Variants in PDILT observed in about 807,000 individuals in gnomAD.
The protein encoded by PDILT is protein disulfide-isomerase-like protein of the testis.
PDILT carries 43 observed loss-of-function variants against 53.7 expected under a neutral mutation model. The ratio of observed to expected loss-of-function variants is 0.80; its 90% CI spans 0.63 to 1.03. The LOEUF is 1.03. Among genes scored for constraint, PDILT ranks in the 50% least tolerant of loss-of-function variants. The pLI, the probability that PDILT is intolerant of heterozygous loss-of-function variation, is 0.00. For synonymous variants in PDILT, 282 were observed against 274.2 expected, an observed-to-expected ratio of 1.03 and a Z score of -0.28; for missense variants, 727 against 712.3, an observed-to-expected ratio of 1.02 and a Z score of -0.24.
rs768489463 is a variant in PDILT, at chr16:20,384,846, GGTT to G, written c.205_207del (p.Asn69del). ...AAGTTCCTGGATTGCTTTGAGGATG[GGTT>G]GTCTGAAAGAGTATGAAGACAAAAT... On this transcript the variant is annotated inframe_deletion and splice_region_variant, in exon 3 of 12. Transcript: ENST00000302451. The G allele has an allele frequency of 6.2e-7, 1 of 1,614,132 alleles. No individual in the cohort carries two copies. Among genetic ancestry groups the G allele is most frequent in the Non-Finnish European group, 8.5e-7 (1 of 1,180,012 alleles).
rs1247353198 is a variant in PDILT, at chr16:20,404,592, T to C, written c.-104A>G. 3.9e-5 allele frequency: 6 copies of C among 152,152 alleles called. No individual in the cohort carries two copies. Among genetic ancestry groups the C allele is most frequent in the Non-Finnish European group, 7.3e-5 (5 of 68,090 alleles). The allele number at this position is 152,152 out of a possible 1,614,324, so 9.4% of individuals were successfully genotyped here. A position where few individuals can be genotyped will look rare whatever the true frequency, so the allele number is the denominator to read the frequency against. On this transcript the variant is annotated 5_prime_UTR_variant, in exon 1 of 12. Coordinates refer to ENST00000302451, the MANE Select transcript of PDILT (RefSeq NM_174924.2). The stretch of plus-strand genomic sequence containing the variant: ...ACTCTGTGGCCCTTAAGAAGGAAGG[T>C]TGTAGCCTGAAGAGGAGGCTCCTGG...
Position 20,360,637 on chromosome 16 carries a change from T to G in PDILT, c.1437A>C (p.Glu479Asp). 1 of 1,613,732 alleles carries G rather than the reference T, an allele frequency of 6.2e-7. No homozygotes were observed. Among genetic ancestry groups the G allele is most frequent in the Non-Finnish European group, 8.5e-7 (1 of 1,179,618 alleles). ...AGTCAGAGAAGCCCTTCAGGGTGTGTTCTCCCTTATACAGGACAGCCTAGG... is the reference window on the plus strand; with the variant it reads ...AGTCAGAGAAGCCCTTCAGGGTGTGGTCTCCCTTATACAGGACAGCCTAGG... ...GSQQAVLYKG[E>D]HTLKGFSDFL... The change falls in exon 11 of 12, where the codon GAA (glutamate) becomes GAC (aspartate). Residue 479 changes from glutamate to aspartate, a missense_variant. Glu to Asp is a conservative substitution (Grantham distance 45). Transcript: ENST00000302451.
At chr16:20,367,367 T>C (rs935813433) in intron 8 of PDILT, among the ~76,000 whole-genome samples, 1 of 152,116 alleles carries the variant, frequency 6.6e-6, no homozygotes, top group Non-Finnish European at 1.5e-5. Flanking sequence ...GTGTCCTCCC[T>C]CACCACACCC....
At chr16:20,360,491 A>G in intron 11 of PDILT, 77 bp downstream of exon 11, 1 of 1,294,522 alleles carries the variant, frequency 7.7e-7, no homozygotes, top group Non-Finnish European at 1.1e-6. Context: ...CTCCAGCCAT[A>G]CTCTTTTGTT....
chr16:20,365,462 C>A lies in PDILT; in HGVS notation c.1195G>T (p.Val399Leu), dbSNP rs747250817. 2 of 1,613,824 alleles carry A rather than the reference C, an allele frequency of 1.2e-6. No homozygotes were observed. Among genetic ancestry groups the A allele is most frequent in the African/African-American group, 2.7e-5 (2 of 74,926 alleles). ...VKQLVGKNFNVVVFDKEKDVF... is the reference protein window; with the variant it reads ...VKQLVGKNFNLVVFDKEKDVF... Reference sequence around the variant, plus strand: ...TCCTTTTCTTTGTCAAAGACGACTACGTTGAAGTTCTTCCCCACGAGCTGC... The same window carrying A: ...TCCTTTTCTTTGTCAAAGACGACTAAGTTGAAGTTCTTCCCCACGAGCTGC... The change falls in exon 9 of 12, where the codon GTA becomes TTA. Residue 399 changes from valine to leucine, a missense_variant. By Grantham distance (32) the Val-to-Leu change is conservative. Transcript: ENST00000302451.
At chr16:20,398,839 G>A (rs935876778) in intron 2 of PDILT, among the ~76,000 whole-genome samples, 4 of 152,130 alleles carry the variant, frequency 2.6e-5, no homozygotes, top group Non-Finnish European at 5.9e-5. Flanking sequence ...TTAAAGCCTG[G>A]CTCCTCTTCA....
rs950809233 is a variant in PDILT at position 20,376,092 on chromosome 16, G to A, written c.519C>T (p.Pro173=). ...CCTGGAAGAAGCCAACGATGACCAA[G>A]GGCCTGGATATCACAAACTCTGCCA... is the stretch of plus-strand genomic sequence containing the variant. ...EQVAEFVISR[P]LVIVGFFQDL... The change falls in exon 4 of 12, where the codon CCC becomes CCT. Residue 173 remains proline (P), a synonymous_variant. Transcript: ENST00000302451. 1.2e-6 allele frequency: 2 copies of A among 1,614,058 alleles called. No individual in the cohort carries two copies. The highest frequency in any genetic ancestry group is 1.7e-6 in the Non-Finnish European group (2 of 1,179,998).
At chr16:20,376,528 C>CA (rs1199385628) in intron 3 of PDILT, among the ~76,000 whole-genome samples, 2 of 152,228 alleles carry the variant, frequency 1.3e-5, no homozygotes, top group Non-Finnish European at 2.9e-5. Flanking sequence ...CAACTGCCAA[C>CA]AGGCACCCAA....
chr16:20,359,654 G>T, intron 11 of PDILT, 87 bp from the exon 12 acceptor site: 2 of 1,352,314 alleles, frequency 1.5e-6, no homozygotes, highest in Non-Finnish European at 2.1e-6. Flanking sequence ...CATCATTGTG[G>T]TTGTAATAGT....
chr16:20,371,480 C>T (rs1396858179), intron 7 of PDILT, among the ~76,000 whole-genome samples: 1 of 152,148 alleles, frequency 6.6e-6, no homozygotes, highest in Admixed American at 6.5e-5. Context: ...ATATTAAAAC[C>T]ATCCTTGTGT....
chr16:20,384,649 G>T lies in PDILT; in HGVS notation c.405C>A (p.Cys135Ter), dbSNP rs1261469065. Residue 135 changes from cysteine (C) to a stop codon, truncating the protein, a stop_gained, in exon 3 of 12, where the codon TGC becomes TGA. Coordinates refer to ENST00000302451, the MANE Select transcript of PDILT (RefSeq NM_174924.2). LOFTEE classifies it high-confidence loss of function. ...FEGNRSEPIS[C>*]KGVVESAALV... The stretch of plus-strand genomic sequence containing the variant: ...GTGACACACAAGCACCATTACCTTT[G>T]CAGCTGATGGGCTCTGACCTGTTGC... The T allele has an allele frequency of 6.8e-6, 11 of 1,613,960 alleles. No homozygotes were observed. Among genetic ancestry groups the T allele is most frequent in the Non-Finnish European group, 9.3e-6 (11 of 1,180,022 alleles).
At chr16:20,380,431 G>A (rs924444961) in intron 3 of PDILT, among the ~76,000 whole-genome samples, 1 of 151,976 alleles carries the variant, frequency 6.6e-6, no homozygotes, top group African/African-American at 2.4e-5. Flanking sequence ...TCTGCCTCCT[G>A]GGTTCAAGCA....
intron 8 of PDILT, among the ~76,000 whole-genome samples, chr16:20,368,803 C>G (rs188622390): frequency 6.6e-6 from 1 of 152,066 alleles, no homozygotes; most frequent in Non-Finnish European, 1.5e-5. Flanking sequence ...GGTATGGCCT[C>G]GAACTCCTGG....
intron 10 of PDILT, among the ~76,000 whole-genome samples, chr16:20,361,674 T>A (rs1046481637): frequency 6.6e-6 from 1 of 152,172 alleles, no homozygotes; most frequent in African/African-American, 2.4e-5. Flanking sequence ...CTTGCCACAG[T>A]GCTGGGGTCA....
chr16:20,360,221 G>T (rs1408886017), intron 11 of PDILT, among the ~76,000 whole-genome samples: 2 of 152,206 alleles, frequency 1.3e-5, no homozygotes, highest in Non-Finnish European at 2.9e-5. Flanking sequence ...ATGGCTAGGG[G>T]AGAAAGGGGA....
intron 3 of PDILT, 41 bp from the exon 4 acceptor site, chr16:20,376,242 C>T (rs754518051): frequency 6.2e-7 from 1 of 1,607,154 alleles, no homozygotes; most frequent in Non-Finnish European, 8.5e-7. Flanking sequence ...GAGAAGTTTC[C>T]TCTTGAACCA....
chr16:20,372,732 T>C (rs1966324165), intron 7 of PDILT, 70 bp downstream of exon 7: 5 of 1,535,682 alleles, frequency 3.3e-6, no homozygotes, highest in East Asian at 2.3e-5. Context: ...GGCAGGCAAA[T>C]GGGCTCAGGG....
In PDILT at chr16:20,373,101, T is replaced by C. The variant is rs1966330941; in HGVS notation, c.703A>G (p.Lys235Glu). 1 of 1,613,966 alleles carries C rather than the reference T, an allele frequency of 6.2e-7. No individual in the cohort carries two copies. Among genetic ancestry groups the C allele is most frequent in the South Asian group, 1.1e-5 (1 of 91,078 alleles). Residue 235 changes from lysine (K) to glutamate (E), a missense_variant, in exon 6 of 12, where the codon AAG (lysine) becomes GAG (glutamate). Coordinates refer to ENST00000302451, the MANE Select transcript of PDILT (RefSeq NM_174924.2). ...TTGTTGGTACTGTCATTAATAAGCT[T>C]TTGGCGGTTCACAATTTTTCCCTTG... ...FKKGKIVNRQ[K>E]LINDSTNKQE... is the part of the protein sequence containing the mutation.
intron 1 of PDILT, among the ~76,000 whole-genome samples, chr16:20,399,970 C>A (rs774700178): frequency 6.6e-6 from 1 of 151,944 alleles, no homozygotes; most frequent in Non-Finnish European, 1.5e-5. Flanking sequence ...TGAATCCTTA[C>A]AGATATTGAA....
Sources: gnomAD v4.1 joint callset for allele counts (sites outside exome capture counted in the v4.1 genomes callset) on GRCh38, gnomAD v4.1.1 for gene constraint, MANE v1.5 for transcripts, NCBI Gene and HGNC (gene_info 2026-07-23, HGNC 2026-07-21) for gene names.